The following DPP10 variants were observed in gnomAD, a reference collection of about 807,000 sequenced individuals.
DPP10 encodes the protein dipeptidyl peptidase like 10.
A neutral mutation model predicts 120.9 loss-of-function variants in DPP10; 33 were observed. The ratio of observed to expected loss-of-function variants is 0.27; its 90% confidence interval spans 0.21 to 0.37. DPP10 has a LOEUF of 0.37. DPP10 is among the 10% of genes least tolerant of loss of function. DPP10 has a pLI of 1.00. For missense variants in DPP10, 816 were observed against 942.8 expected (o/e 0.87, Z 1.76); for synonymous variants, 337 against 326.1 (o/e 1.03, Z -0.36).
intron 1 of DPP10, among the ~76,000 whole-genome samples, chr2:114,714,376 TAATC>T (rs1176394968): frequency 2.6e-5 from 4 of 152,198 alleles, no homozygotes; most frequent in Non-Finnish European, 5.9e-5. Context: ...TGGAAATAGA[TAATC>T]AAGTTCTGAA....
At chr2:114,997,565 G>A (rs1410234556) in intron 1 of DPP10, among the ~76,000 whole-genome samples, 1 of 151,574 alleles carries the variant, frequency 6.6e-6, no homozygotes, top group African/African-American at 2.4e-5. Flanking sequence ...TTAAAAAAGT[G>A]TAATATTATA....
intron 1 of DPP10, among the ~76,000 whole-genome samples, chr2:115,209,549 T>A (rs1174061841): frequency 2.0e-5 from 3 of 152,216 alleles, no homozygotes; most frequent in African/African-American, 7.2e-5. Context: ...TTCTTTTGCA[T>A]TTCTATTATT....
At chr2:115,408,142 A>G (rs1241016771) in intron 3 of DPP10, among the ~76,000 whole-genome samples, 3 of 152,034 alleles carry the variant, frequency 2.0e-5, no homozygotes, top group Non-Finnish European at 4.4e-5. Flanking sequence ...CCATGTTCAC[A>G]AGGGGACTTA....
At chr2:115,662,003 G>A (rs1408997361) in intron 5 of DPP10, among the ~76,000 whole-genome samples, 1 of 152,082 alleles carries the variant, frequency 6.6e-6, no homozygotes, top group African/African-American at 2.4e-5. Context: ...TATGCCCTCT[G>A]ACTGAGAGCT....
chr2:114,582,973 G>A (rs1250991687), intron 1 of DPP10, among the ~76,000 whole-genome samples: 1 of 152,138 alleles, frequency 6.6e-6, no homozygotes, highest in African/African-American at 2.4e-5. Context: ...TAAGTCCCAT[G>A]CAGAGAACTT....
chr2:114,663,452 A>G (rs960135671), intron 1 of DPP10, among the ~76,000 whole-genome samples: 2 of 150,154 alleles, frequency 1.3e-5, no homozygotes, highest in Admixed American at 6.7e-5. Context: ...ATATATTTAG[A>G]CTTTTGAAAA....
intron 1 of DPP10, among the ~76,000 whole-genome samples, chr2:114,463,651 A>G (rs1256009466): frequency 6.6e-6 from 1 of 152,162 alleles, no homozygotes; most frequent in African/African-American, 2.4e-5. Flanking sequence ...TCTACTAGTT[A>G]TTTTAAATTT....
At chr2:115,403,773 G>A (rs981560243) in intron 3 of DPP10, among the ~76,000 whole-genome samples, 1 of 151,942 alleles carries the variant, frequency 6.6e-6, no homozygotes, top group Non-Finnish European at 1.5e-5. Flanking sequence ...CAAAATAAAA[G>A]GCATACTAAT....
intron 5 of DPP10, among the ~76,000 whole-genome samples, chr2:115,586,979 C>A (rs1163014243): frequency 6.6e-6 from 1 of 151,746 alleles, no homozygotes; most frequent in Non-Finnish European, 1.5e-5. Flanking sequence ...CAAATTCACA[C>A]ATTCACTAGC....
At chr2:115,512,318 G>T (rs866174131) in intron 4 of DPP10, among the ~76,000 whole-genome samples, 2 of 151,836 alleles carry the variant, frequency 1.3e-5, no homozygotes, top group African/African-American at 2.4e-5. Flanking sequence ...CAGGCTGGTT[G>T]TGAACAACTT....
At chr2:115,734,896 C>T (rs983584541) in intron 8 of DPP10, among the ~76,000 whole-genome samples, 17 of 151,608 alleles carry the variant, frequency 1.1e-4, no homozygotes, top group African/African-American at 4.1e-4. Flanking sequence ...TGAAGGGGCC[C>T]CTTATCATGA....
intron 8 of DPP10, 139 bp downstream of exon 8, chr2:115,728,075 T>A: frequency 1.1e-6 from 1 of 931,454 alleles, no homozygotes; most frequent in Non-Finnish European, 1.6e-6. Context: ...CCCTCATGCT[T>A]TCATATCTTT....
intron 1 of DPP10, among the ~76,000 whole-genome samples, chr2:114,594,287 T>C (rs1691707288): frequency 6.6e-6 from 1 of 151,910 alleles, no homozygotes; most frequent in Non-Finnish European, 1.5e-5. Flanking sequence ...TCGGACTGGC[T>C]CTCCTTGCTC....
chr2:115,384,657 AAGAAGAAGAAGAAGGAAGAAGAAG>A (rs2066761534), intron 3 of DPP10, among the ~76,000 whole-genome samples: 2 of 131,768 alleles, frequency 1.5e-5, no homozygotes, highest in South Asian at 4.8e-4. Context: ...AAGAAGAAGG[AAGAAGAAGAAGAAGGAAGAAGAAG>A]AGGAAGAAGA....
intron 21 of DPP10, among the ~76,000 whole-genome samples, chr2:115,831,186 A>C (rs534451610): frequency 6.6e-6 from 1 of 152,368 alleles, no homozygotes; most frequent in African/African-American, 2.4e-5. Flanking sequence ...GTGTACCACA[A>C]GTGAAATGGT....
chr2:115,363,981 G>T (rs2106365193), intron 3 of DPP10, among the ~76,000 whole-genome samples: 1 of 149,272 alleles, frequency 6.7e-6, no homozygotes, highest in Admixed American at 6.7e-5. Context: ...CACATAGCTA[G>T]TTAGTAGCAA....
chr2:115,010,348 A>AAT (rs1489183393), intron 1 of DPP10, among the ~76,000 whole-genome samples: 1 of 152,206 alleles, frequency 6.6e-6, no homozygotes, highest in Non-Finnish European at 1.5e-5. Flanking sequence ...GCCTCATTAA[A>AAT]TAAGTTAATC....
chr2:114,446,494 T>G (rs1006854860), intron 1 of DPP10, among the ~76,000 whole-genome samples: 1 of 152,192 alleles, frequency 6.6e-6, no homozygotes, highest in African/African-American at 2.4e-5. Flanking sequence ...TTCTTTACCC[T>G]TCCCATGTAG....
At chr2:115,025,421 G>T (rs866354983) in intron 1 of DPP10, among the ~76,000 whole-genome samples, 1 of 152,192 alleles carries the variant, frequency 6.6e-6, no homozygotes, top group African/African-American at 2.4e-5. Context: ...CACTTAAGTT[G>T]ATTCCCTTTT....
Sources: allele counts gnomAD v4.1 joint callset (sites outside exome capture counted in the v4.1 genomes callset), GRCh38; gene constraint gnomAD v4.1.1; transcripts MANE v1.5; gene names NCBI Gene and HGNC (gene_info 2026-07-23, HGNC 2026-07-21).